The following CORO2A variants were observed in gnomAD, a reference collection of about 807,000 sequenced individuals.
CORO2A encodes the protein coronin-2A.
In CORO2A, 47 loss-of-function variants were observed where a neutral mutation model predicts 62.4. The observed-to-expected ratio is 0.75, with a 90% CI of 0.60 to 0.96. The LOEUF is 0.96. CORO2A is among the 40% of genes least tolerant of loss of function. The pLI is 0.00. For synonymous variants in CORO2A, 273 were observed against 268.9 expected (o/e 1.02, Z -0.15); for missense variants, 610 against 684.1 (o/e 0.89, Z 1.21).
At chr9:98,131,682 T>G (rs1254393080) in intron 6 of CORO2A, among the ~76,000 whole-genome samples, 1 of 152,142 alleles carries the variant, frequency 6.6e-6, no homozygotes, top group Non-Finnish European at 1.5e-5. Flanking sequence ...TTTTTAAAAT[T>G]TATTTTAATA....
chr9:98,134,954 A>C lies in CORO2A; in HGVS notation c.320T>G (p.Ile107Ser). Residue 107 changes from isoleucine to serine, a missense_variant and splice_region_variant, in exon 4 of 12, where the codon ATT (isoleucine) becomes AGT (serine). By Grantham distance (142) the Ile-to-Ser change is moderately radical. Coordinates refer to ENST00000375077, the MANE Select transcript of CORO2A (RefSeq NM_052820.4). ...CTGCTTGGGGATGCTCCAGATCTTA[A>C]TCTGGCAGGGGAGACAGGGCCCAAG... ...EIASCSEDAT[I>S]KIWSIPKQLL... The C allele has an allele frequency of 6.2e-7, 1 of 1,613,830 alleles. No homozygotes were observed. The highest frequency in any genetic ancestry group is 8.5e-7 in the Non-Finnish European group (1 of 1,179,884).
chr9:98,175,955 T>G (rs188999992), intron 1 of CORO2A, among the ~76,000 whole-genome samples: 102 of 152,372 alleles, frequency 6.7e-4, no homozygotes, highest in African/African-American at 2.4e-3. Flanking sequence ...GAGTACTCAC[T>G]GTGAGCCAGG....
At chr9:98,186,869 C>G (rs959409352) in intron 1 of CORO2A, among the ~76,000 whole-genome samples, 3 of 152,180 alleles carry the variant, frequency 2.0e-5, no homozygotes, top group Non-Finnish European at 4.4e-5. Context: ...AACCTCTCCC[C>G]TAGCACTGAG....
intron 1 of CORO2A, among the ~76,000 whole-genome samples, chr9:98,160,012 T>C (rs925847069): frequency 6.6e-6 from 1 of 152,164 alleles, no homozygotes; most frequent in African/African-American, 2.4e-5. Context: ...AGGCAAGTCA[T>C]AGCGATAAGG....
chr9:98,190,604 G>T (rs1828294629), intron 1 of CORO2A, among the ~76,000 whole-genome samples: 1 of 152,150 alleles, frequency 6.6e-6, no homozygotes, highest in South Asian at 2.1e-4. Flanking sequence ...GACGACGTCT[G>T]AAGGCTCCTT....
At chr9:98,133,251 G>A in intron 4 of CORO2A, 34 bp from the exon 5 acceptor site, 6 of 1,606,984 alleles carry the variant, frequency 3.7e-6, no homozygotes, top group African/African-American at 1.3e-5. Context: ...GAGCACAGGG[G>A]CCACCTTGCC....
chr9:98,139,113 G>A (rs1400812377), intron 2 of CORO2A, among the ~76,000 whole-genome samples: 1 of 151,988 alleles, frequency 6.6e-6, no homozygotes, highest in Non-Finnish European at 1.5e-5. Flanking sequence ...GCAAGATTCT[G>A]GTTGCCTCAG....
At chr9:98,162,663 C>T (rs923923960) in intron 1 of CORO2A, among the ~76,000 whole-genome samples, 8 of 152,304 alleles carry the variant, frequency 5.3e-5, no homozygotes, top group African/African-American at 1.7e-4. Flanking sequence ...TGTGTGTGCA[C>T]AAGAACTGCA....
At position 98,129,851 on chromosome 9, in the gene CORO2A, T is replaced by G. The variant is rs779954456; in HGVS notation, c.910A>C (p.Lys304Gln). ...NIRYYEVSAD[K>Q]PHLSYLTEYR... ...TCAGTCAGGTAGCTCAGGTGAGGCTTGTCGGCGCTCACCTCGTAGTAGCGG... is the reference window on the plus strand; with the variant it reads ...TCAGTCAGGTAGCTCAGGTGAGGCTGGTCGGCGCTCACCTCGTAGTAGCGG... The change falls in exon 8 of 12, where the codon AAG becomes CAG. Residue 304 changes from lysine to glutamine, a missense_variant. Transcript: ENST00000375077. 40 of 1,614,116 alleles carry G rather than the reference T, an allele frequency of 2.5e-5. 1 individual carries two copies. The South Asian group carries it at 4.3e-4, about 17-fold the overall frequency.
intron 2 of CORO2A, among the ~76,000 whole-genome samples, chr9:98,139,067 GA>G (rs1827532060): frequency 6.7e-6 from 1 of 148,224 alleles, no homozygotes; most frequent in Admixed American, 6.7e-5. Flanking sequence ...AAAAAAGAAA[GA>G]AAAATGCAGA....
In CORO2A at chr9:98,133,220, G is replaced by T; in HGVS notation, c.469-3C>A. 5 of 1,614,094 alleles carry T rather than the reference G, an allele frequency of 3.1e-6. No individual in the cohort carries two copies. The highest frequency in any genetic ancestry group is 4.2e-6 in the Non-Finnish European group (5 of 1,179,936). Reference sequence around the variant, plus strand: ...GTATCCAGGTTCCAGATCATCACCTGCATGGCAGAGAGCCAGCTCTGAGCA... The same window carrying T: ...GTATCCAGGTTCCAGATCATCACCTTCATGGCAGAGAGCCAGCTCTGAGCA... On this transcript the variant is annotated splice_polypyrimidine_tract_variant and splice_region_variant and intron_variant, in intron 4 of 11. Coordinates refer to ENST00000375077, the MANE Select transcript of CORO2A (RefSeq NM_052820.4).
intron 1 of CORO2A, among the ~76,000 whole-genome samples, chr9:98,163,650 G>T (rs1052211003): frequency 6.6e-6 from 1 of 151,914 alleles, no homozygotes; most frequent in African/African-American, 2.4e-5. Flanking sequence ...GTAGTCTGAG[G>T]ACTAGTTGAG....
chr9:98,145,384 C>T (rs1428142154), intron 2 of CORO2A, among the ~76,000 whole-genome samples: 1 of 152,182 alleles, frequency 6.6e-6, no homozygotes, highest in Admixed American at 6.5e-5. Context: ...CTGTGGCAGG[C>T]CAACTCCTTG....
intron 2 of CORO2A, 68 bp downstream of exon 2, chr9:98,157,392 G>T: frequency 6.8e-7 from 1 of 1,475,742 alleles, no homozygotes; most frequent in South Asian, 1.2e-5. Context: ...AGAAACCCAG[G>T]CTCTTTCCAC....
chr9:98,129,216 G>A (rs1827370814), intron 8 of CORO2A, among the ~76,000 whole-genome samples: 1 of 152,160 alleles, frequency 6.6e-6, no homozygotes, highest in Non-Finnish European at 1.5e-5. Flanking sequence ...TTTATAGGCA[G>A]TTTGCTCTGC....
At chr9:98,134,706 G>T in intron 4 of CORO2A, 100 bp downstream of exon 4, 1 of 1,370,020 alleles carries the variant, frequency 7.3e-7, no homozygotes, top group Non-Finnish European at 9.7e-7. Flanking sequence ...CTTGATTTTC[G>T]ATTTCTGGTC....
At chr9:98,151,855 C>A (rs1257245577) in intron 2 of CORO2A, among the ~76,000 whole-genome samples, 1 of 146,420 alleles carries the variant, frequency 6.8e-6, no homozygotes, top group Admixed American at 6.9e-5. Flanking sequence ...TTCGCTCTGT[C>A]GCCCAGGCTG....
At chr9:98,157,689 T>C in intron 1 of CORO2A, 29 bp from the exon 2 acceptor site, 1 of 1,582,772 alleles carries the variant, frequency 6.3e-7, no homozygotes, top group South Asian at 1.1e-5. Flanking sequence ...ACAAAGGGTA[T>C]GAGGCTCACT....
In CORO2A at chr9:98,128,224, C is replaced by T. The variant is rs1310999631; in HGVS notation, c.1117G>A (p.Ala373Thr). ...GCCGTCAGGGAGGGCTGGGCCCCTG[C>T]TGTTGGAGGGTATATGTCCTCTTGG... Reference protein sequence around the residue: ...SYQEDIYPPTAGAQPSLTAQE... With the variant: ...SYQEDIYPPTTGAQPSLTAQE... The change falls in exon 10 of 12, where the codon GCA (alanine) becomes ACA (threonine). Residue 373 changes from alanine to threonine, a missense_variant. Ala to Thr is a moderately conservative substitution (Grantham distance 58). Transcript: ENST00000375077. The T allele has an allele frequency of 6.2e-7, 1 of 1,612,548 alleles. No individual in the cohort carries two copies.
Sources: gnomAD v4.1 joint callset for allele counts (sites outside exome capture counted in the v4.1 genomes callset) on GRCh38, gnomAD v4.1.1 for gene constraint, MANE v1.5 for transcripts, NCBI Gene and HGNC (gene_info 2026-07-23, HGNC 2026-07-21) for gene names.